MYO3B: variants seen among roughly 807,000 people sequenced by gnomAD.
MYO3B encodes the protein myosin-IIIb.
Under a neutral mutation model 174.6 loss-of-function variants are expected in MYO3B, and 156 were observed. The observed-to-expected ratio is 0.89, with a 90% CI of 0.78 to 1.02. MYO3B has a LOEUF of 1.02. MYO3B is among the 50% of genes least tolerant of loss of function. The pLI is 0.00. For missense variants in MYO3B, 1,632 were observed against 1,639.4 expected (o/e 1.00, Z 0.08); for synonymous variants, 563 against 569.1 (o/e 0.99, Z 0.15).
intron 7 of MYO3B, among the ~76,000 whole-genome samples, chr2:170,310,335 T>C (rs1435549830): frequency 6.6e-6 from 1 of 152,054 alleles, no homozygotes; most frequent in Non-Finnish European, 1.5e-5. Flanking sequence ...TTATACATTT[T>C]AGGGAGGCAT....
At chr2:170,388,255 G>A (rs1394339872) in intron 14 of MYO3B, among the ~76,000 whole-genome samples, 1 of 152,080 alleles carries the variant, frequency 6.6e-6, no homozygotes, top group East Asian at 1.9e-4. Flanking sequence ...CGGTATATGA[G>A]GAAGCAGTAG....
chr2:170,519,303 GA>G (rs1293269613), intron 29 of MYO3B, 134 bp from the exon 30 acceptor site: 52 of 605,858 alleles, frequency 8.6e-5, no homozygotes, highest in East Asian at 5.5e-4. Flanking sequence ...ACATATCCTA[GA>G]AAAAAAACCT....
chr2:170,446,481 G>A lies in MYO3B; in HGVS notation c.2730+2435G>A, dbSNP rs1396348023. 2.0e-5 allele frequency among the ~76,000 whole-genome samples: 3 copies of A among 152,136 alleles called. No homozygotes were observed. In the South Asian group the frequency reaches 6.2e-4, roughly 32 times the overall value. ...CCACATGAAAAGTGTGCCTTCTAGT[G>A]TGTGGCATATATTTACGTTATTAAT... On this transcript the variant is annotated intron_variant, in intron 23 of 34. Transcript: ENST00000408978.
intron 32 of MYO3B, among the ~76,000 whole-genome samples, chr2:170,595,840 C>T (rs77240055): frequency 1.7e-3 from 250 of 149,680 alleles, no homozygotes; most frequent in African/African-American, 6.1e-3. Context: ...TTATTCCAAC[C>T]AACCTTTCTC....
intron 7 of MYO3B, among the ~76,000 whole-genome samples, chr2:170,294,761 A>G (rs1034077037): frequency 6.6e-6 from 1 of 152,140 alleles, no homozygotes; most frequent in East Asian, 1.9e-4. Context: ...GTACAACACC[A>G]AGATTGAACT....
intron 22 of MYO3B, among the ~76,000 whole-genome samples, chr2:170,437,472 C>G (rs2094763077): frequency 6.6e-6 from 1 of 152,148 alleles, no homozygotes. Context: ...GCTGCTCTTC[C>G]TATACCCACA....
chr2:170,386,301 G>A, intron 13 of MYO3B, 29 bp downstream of exon 13: 1 of 1,582,774 alleles, frequency 6.3e-7, no homozygotes. Context: ...TACGTATTGT[G>A]GCGAGAAGTT....
At chr2:170,608,919 T>C (rs1256130695) in intron 32 of MYO3B, among the ~76,000 whole-genome samples, 1 of 152,218 alleles carries the variant, frequency 6.6e-6, no homozygotes, top group Non-Finnish European at 1.5e-5. Flanking sequence ...CCAATCGATA[T>C]ATTAGCGCTT....
At chr2:170,427,213 A>C (rs1011841181) in intron 22 of MYO3B, among the ~76,000 whole-genome samples, 6 of 152,184 alleles carry the variant, frequency 3.9e-5, no homozygotes, top group African/African-American at 7.2e-5. Flanking sequence ...ATGCTTGTAG[A>C]GTTCCTTCAT....
chr2:170,641,856 AGTGGGGGGGGG>A (rs1360487289), intron 32 of MYO3B, among the ~76,000 whole-genome samples: 3 of 7,444 alleles, frequency 4.0e-4, no homozygotes, highest in East Asian at 0.028. Context: ...TTTATTGTTA[AGTGGGGGGGGG>A]GGGGGAGGGG....
At chr2:170,212,983 T>A (rs139342750) in intron 3 of MYO3B, among the ~76,000 whole-genome samples, 145 of 152,304 alleles carry the variant, frequency 9.5e-4, no homozygotes, top group African/African-American at 3.3e-3. Flanking sequence ...AAGCTCTGCA[T>A]TTTCTCCCCA....
At chr2:170,553,990 C>T (rs146655522) in intron 32 of MYO3B, among the ~76,000 whole-genome samples, 82 of 152,280 alleles carry the variant, frequency 5.4e-4, no homozygotes, top group African/African-American at 1.9e-3. Flanking sequence ...TTTTCTGAGG[C>T]CTCCCCAATC....
At chr2:170,581,148 GA>G (rs1406919233) in intron 32 of MYO3B, among the ~76,000 whole-genome samples, 1 of 152,196 alleles carries the variant, frequency 6.6e-6, no homozygotes, top group South Asian at 2.1e-4. Context: ...GCAGACTGAT[GA>G]ACCTTCCTTT....
chr2:170,383,791 A>G lies in MYO3B; in HGVS notation c.1267A>G (p.Met423Val), dbSNP rs368016376. 7 of 1,613,476 alleles carry G rather than the reference A, an allele frequency of 4.3e-6. No individual in the cohort carries two copies. The highest frequency in any genetic ancestry group is 2.2e-5 in the South Asian group (2 of 91,076). The part of the protein sequence containing the change: ...FASADAAYQC[M>V]VTLSKDQCIV... ...ATCAGCAGATGCTGCTTACCAGTGCATGGTTACTCTCAGCAAAGACCAGGT... is the reference window on the plus strand; with the variant it reads ...ATCAGCAGATGCTGCTTACCAGTGCGTGGTTACTCTCAGCAAAGACCAGGT... Residue 423 changes from methionine (M) to valine (V), a missense_variant, in exon 12 of 35, where the codon ATG becomes GTG. Physicochemically the swap from Met to Val is conservative, Grantham distance 21. Transcript: ENST00000408978.
chr2:170,324,155 A>C (rs1574786223), intron 7 of MYO3B, among the ~76,000 whole-genome samples: 1 of 152,192 alleles, frequency 6.6e-6, no homozygotes, highest in African/African-American at 2.4e-5. Flanking sequence ...TCACTTTTTC[A>C]GCTCATACAA....
intron 1 of MYO3B, among the ~76,000 whole-genome samples, chr2:170,188,944 T>G (rs887917186): frequency 6.6e-6 from 1 of 152,164 alleles, no homozygotes; most frequent in African/African-American, 2.4e-5. Context: ...TGCCAGTGAG[T>G]TTTGTACCTT....
chr2:170,374,840 A>G (rs562344375), intron 9 of MYO3B, among the ~76,000 whole-genome samples: 38 of 151,926 alleles, frequency 2.5e-4, no homozygotes, highest in African/African-American at 9.2e-4. Flanking sequence ...ACCTGTGGAG[A>G]AGTGATATTG....
chr2:170,568,097 C>T (rs1175944616), intron 32 of MYO3B, among the ~76,000 whole-genome samples: 1 of 152,180 alleles, frequency 6.6e-6, no homozygotes, highest in Non-Finnish European at 1.5e-5. Context: ...TCTCTGTTTA[C>T]CAGACCAGAC....
intron 32 of MYO3B, chr2:170,640,772 G>GTGA (rs1260757032): frequency 6.6e-6 from 1 of 152,006 alleles, no homozygotes; most frequent in Non-Finnish European, 1.5e-5. Context: ...TAGCACAAGT[G>GTGA]TGATGATACC....
Sources: allele counts gnomAD v4.1 joint callset (sites outside exome capture counted in the v4.1 genomes callset), GRCh38; gene constraint gnomAD v4.1.1; transcripts MANE v1.5; gene names NCBI Gene and HGNC (gene_info 2026-07-23, HGNC 2026-07-21).